The following KAZN variants were observed in gnomAD, a reference collection of about 807,000 sequenced individuals.
The protein encoded by KAZN is kazrin.
Under a neutral mutation model 87.4 loss-of-function variants are expected in KAZN, and 40 were observed. The ratio of observed to expected loss-of-function variants is 0.46; its 90% CI spans 0.36 to 0.60. The LOEUF is 0.60. Among genes scored for constraint, KAZN ranks in the 20% least tolerant of loss-of-function variants. The probability of loss-of-function intolerance (pLI) is 0.00; values close to 1 mark genes in which losing one functional copy is unlikely to be tolerated. For synonymous variants in KAZN, 466 were observed against 458.3 expected, an observed-to-expected ratio of 1.02 and a Z score of -0.22; for missense variants, 898 against 1,073.9, an observed-to-expected ratio of 0.84 and a Z score of 2.29.
At chr1:14,274,541 T>C (rs1487148445) in intron 2 of KAZN, among the ~76,000 whole-genome samples, 1 of 152,230 alleles carries the variant, frequency 6.6e-6, no homozygotes, top group Non-Finnish European at 1.5e-5. Flanking sequence ...CAAAGCCTAA[T>C]AGAACAGGCT....
chr1:14,273,476 A>G (rs1652110539), intron 2 of KAZN, among the ~76,000 whole-genome samples: 1 of 152,164 alleles, frequency 6.6e-6, no homozygotes, highest in Non-Finnish European at 1.5e-5. Flanking sequence ...TTGGAATTTG[A>G]TTTTGAACCA....
At chr1:14,193,015 G>A (rs919654798) in intron 2 of KAZN, among the ~76,000 whole-genome samples, 1 of 152,126 alleles carries the variant, frequency 6.6e-6, no homozygotes, top group Non-Finnish European at 1.5e-5. Context: ...CCAGATGAAG[G>A]TGATTGGATC....
rs1365209619 is a variant in KAZN, at chr1:14,735,644, G to A, written c.226+136421G>A. ...AACATCAGCGAGGCTGCCGTGAGAA[G>A]CAGCAGGAGACACACAAGCTACTTA... On this transcript the variant is annotated intron_variant, in intron 1 of 14. Transcript: ENST00000376030. The surrounding 1 kb of genome is among the most constrained non-coding windows in gnomAD (Gnocchi z 4.3). Among the ~76,000 whole-genome samples the A allele has an allele frequency of 1.3e-5, 2 of 152,210 alleles. No individual in the cohort carries two copies. The highest frequency in any genetic ancestry group is 4.8e-5 in the African/African-American group (2 of 41,460).
intron 1 of KAZN, among the ~76,000 whole-genome samples, chr1:14,036,117 A>G (rs2101363232): frequency 6.6e-6 from 1 of 152,346 alleles, no homozygotes; most frequent in Admixed American, 6.5e-5. Flanking sequence ...GGAACAGCAC[A>G]TGCAAAAGAG....
At chr1:14,375,766 T>C (rs1354489528) in intron 2 of KAZN, among the ~76,000 whole-genome samples, 1 of 152,070 alleles carries the variant, frequency 6.6e-6, no homozygotes, top group Non-Finnish European at 1.5e-5. Context: ...CGGGTGCCTG[T>C]AGTCCCAGCT....
chr1:14,986,111 T>G (rs1666797324), intron 2 of KAZN, among the ~76,000 whole-genome samples: 1 of 150,964 alleles, frequency 6.6e-6, no homozygotes, highest in South Asian at 2.1e-4. Flanking sequence ...GATTGCAACA[T>G]GTAATCTCAT....
At chr1:14,086,320 A>G (rs992737510) in intron 1 of KAZN, among the ~76,000 whole-genome samples, 2 of 152,100 alleles carry the variant, frequency 1.3e-5, no homozygotes, top group African/African-American at 4.8e-5. Flanking sequence ...CCTGGCAGGC[A>G]TTAGCTATTT....
At chr1:14,460,978 C>T (rs1204300233) in intron 2 of KAZN, among the ~76,000 whole-genome samples, 3 of 152,172 alleles carry the variant, frequency 2.0e-5, no homozygotes, top group Non-Finnish European at 4.4e-5. Flanking sequence ...AGGCTCAAAC[C>T]TAGAGTATCT....
At chr1:14,182,243 G>A (rs541202493) in intron 2 of KAZN, among the ~76,000 whole-genome samples, 2 of 152,216 alleles carry the variant, frequency 1.3e-5, no homozygotes, top group East Asian at 3.9e-4. Flanking sequence ...AGTGGGATAT[G>A]GTGGATATTC....
At chr1:14,421,276 T>C (rs1665410780) in intron 2 of KAZN, among the ~76,000 whole-genome samples, 1 of 152,192 alleles carries the variant, frequency 6.6e-6, no homozygotes, top group Admixed American at 6.5e-5. Flanking sequence ...TCTTGAATAG[T>C]AGAGCATTCC....
chr1:14,332,592 A>G (rs1656929889), intron 2 of KAZN, among the ~76,000 whole-genome samples: 1 of 152,178 alleles, frequency 6.6e-6, no homozygotes, highest in Non-Finnish European at 1.5e-5. Flanking sequence ...CAGCCTGGAC[A>G]TAATTCCTTC....
At position 14,763,429 on chromosome 1, in the gene KAZN, C is replaced by T. The variant is rs566889248; in HGVS notation, c.226+164206C>T. Among the ~76,000 whole-genome samples the T allele has an allele frequency of 3.9e-5, 6 of 152,286 alleles. No individual in the cohort carries two copies. In the East Asian group the frequency reaches 9.6e-4, roughly 24 times the overall value. ...CCGGCCAGGGCCCCTGAGGATAAAG[C>T]GAGCACCTAAATCAATACCCCCAAT... On this transcript the variant is annotated intron_variant, in intron 1 of 14. Transcript: ENST00000376030.
rs566328947 is a variant in KAZN at position 15,114,550 on chromosome 1, A to T, written c.2243A>T (p.Glu748Val). 2 of 1,610,110 alleles carry T rather than the reference A, an allele frequency of 1.2e-6. No homozygotes were observed. The highest frequency in any genetic ancestry group is 4.5e-5 in the East Asian group (2 of 44,774). The change falls in exon 15 of 15, where the codon GAA becomes GTA. Residue 748 changes from glutamate to valine, a missense_variant. Glu to Val is a moderately radical substitution (Grantham distance 121). Transcript: ENST00000376030. ...GATGACTATGGCTCTCTTCAAAACG[A>T]AGATTGCGGAGACGATGACCCCCAG... Reference protein sequence around the residue: ...FHDDYGSLQNEDCGDDDPQSR... With the variant: ...FHDDYGSLQNVDCGDDDPQSR...
chr1:14,786,417 T>A (rs1240498812), intron 1 of KAZN, among the ~76,000 whole-genome samples: 1 of 151,232 alleles, frequency 6.6e-6, no homozygotes, highest in East Asian at 1.9e-4. Context: ...TCCCCGAGAG[T>A]GGAGGTAATT....
At chr1:14,703,423 G>A (rs1642036155) in intron 1 of KAZN, among the ~76,000 whole-genome samples, 1 of 152,210 alleles carries the variant, frequency 6.6e-6, no homozygotes, top group Non-Finnish European at 1.5e-5. Flanking sequence ...TTTATAAGAA[G>A]CTTCCCCCTT....
chr1:15,114,456 TTCTTC>T lies in KAZN; in HGVS notation c.2164-7_2164-3del. 1 of 1,599,006 alleles carries T rather than the reference TTCTTC, an allele frequency of 6.3e-7. No individual in the cohort carries two copies. On this transcript the variant is annotated splice_polypyrimidine_tract_variant and intron_variant, in intron 14 of 14. Transcript: ENST00000376030. ...CTCTTCTTCCTGTCCTTTGATCATA[TTCTTC>T]TCTTCTCAGCTGCCCCTGGGGAAGA...
chr1:14,210,286 T>A (rs939705049), intron 2 of KAZN, among the ~76,000 whole-genome samples: 1 of 152,184 alleles, frequency 6.6e-6, no homozygotes, highest in Admixed American at 6.5e-5. Flanking sequence ...CCTGCTGCCA[T>A]GTAAGATGTG....
upstream of KAZN, among the ~76,000 whole-genome samples, chr1:14,595,638 G>A (rs1676451203): frequency 4.3e-5 from 6 of 140,390 alleles, no homozygotes; most frequent in Admixed American, 2.9e-4. Flanking sequence ...CTGAGATGGC[G>A]CCACTGCACT....
At chr1:14,139,495 C>T (rs1008295291) in intron 1 of KAZN, among the ~76,000 whole-genome samples, 1 of 152,224 alleles carries the variant, frequency 6.6e-6, no homozygotes, top group African/African-American at 2.4e-5. Context: ...GCTGGTTGCA[C>T]GGCTAGGGAA....
Sources: gnomAD v4.1 joint callset for allele counts (sites outside exome capture counted in the v4.1 genomes callset) on GRCh38, gnomAD v4.1.1 for gene constraint, Gnocchi (gnomAD v3.1) non-coding constraint, MANE v1.5 for transcripts, NCBI Gene and HGNC (gene_info 2026-07-23, HGNC 2026-07-21) for gene names.